Variants in ZFHX3 observed in about 807,000 individuals in gnomAD.
ZFHX3 encodes zinc finger homeobox protein 3.
Under a neutral mutation model 279.1 loss-of-function variants are expected in ZFHX3, and 42 were observed. The ratio of observed to expected loss-of-function variants is 0.15; its 90% CI spans 0.12 to 0.19. The LOEUF is 0.19. ZFHX3 is among the 10% of genes least tolerant of loss of function. ZFHX3 has a pLI of 1.00. For synonymous variants in ZFHX3, 2,293 were observed against 1,957.8 expected, an observed-to-expected ratio of 1.17 and a Z score of -4.52; for missense variants, 4,981 against 4,754.0, an observed-to-expected ratio of 1.05 and a Z score of -1.40.
chr16:73,038,082 C>T (rs1484290043), intron 1 of ZFHX3, among the ~76,000 whole-genome samples: 4 of 152,150 alleles, frequency 2.6e-5, no homozygotes, highest in Non-Finnish European at 1.5e-5. Context: ...CAAGGTCATC[C>T]CAGAGGGTCC....
chr16:72,799,921 A>G, intron 8 of ZFHX3, 106 bp downstream of exon 8: 2 of 1,010,306 alleles, frequency 2.0e-6, no homozygotes, highest in South Asian at 1.4e-5. Flanking sequence ...GATCAGTTAC[A>G]TTCACCTTAA....
intron 3 of ZFHX3, among the ~76,000 whole-genome samples, chr16:73,340,421 C>T (rs750587484): frequency 1.3e-4 from 20 of 152,328 alleles, no homozygotes; most frequent in Non-Finnish European, 2.4e-4. Context: ...TGCAGTGGCA[C>T]GATGATCATG....
intron 4 of ZFHX3, among the ~76,000 whole-genome samples, chr16:73,262,909 A>G (rs1423519734): frequency 1.3e-5 from 2 of 152,100 alleles, no homozygotes; most frequent in Admixed American, 1.3e-4. Flanking sequence ...TCCCATGCCA[A>G]TCAGCTGGCC....
At chr16:73,497,557 C>A (rs904413025) in intron 2 of ZFHX3, among the ~76,000 whole-genome samples, 6 of 152,134 alleles carry the variant, frequency 3.9e-5, no homozygotes. Context: ...GTAGTCCCAG[C>A]CACTCAGGAG....
At chr16:73,209,789 G>A (rs1199709466) in intron 5 of ZFHX3, among the ~76,000 whole-genome samples, 1 of 152,120 alleles carries the variant, frequency 6.6e-6, no homozygotes, top group East Asian at 1.9e-4. Context: ...TTGTACACTT[G>A]TGAGAGAATG....
chr16:73,431,552 G>A (rs1473149254), intron 3 of ZFHX3, among the ~76,000 whole-genome samples: 1 of 151,912 alleles, frequency 6.6e-6, no homozygotes, highest in Non-Finnish European at 1.5e-5. Flanking sequence ...AGAAAAAACA[G>A]TCTTCTGATT....
chr16:73,560,854 C>T (rs1013371943), intron 2 of ZFHX3, among the ~76,000 whole-genome samples: 1 of 152,180 alleles, frequency 6.6e-6, no homozygotes, highest in African/African-American at 2.4e-5. Context: ...AGTTAAAACA[C>T]TCTGTGAGAC....
intron 2 of ZFHX3, among the ~76,000 whole-genome samples, chr16:73,626,016 C>T (rs1204006634): frequency 6.6e-6 from 1 of 152,104 alleles, no homozygotes. Context: ...CACCACCACG[C>T]CTGGCTAATT....
At position 72,857,710 on chromosome 16, in the gene ZFHX3, C is replaced by G. The variant is rs1362237802; in HGVS notation, c.3449-27851G>C. Among the ~76,000 whole-genome samples the G allele has an allele frequency of 2.0e-5, 3 of 152,096 alleles. No homozygotes were observed. The East Asian group carries it at 5.8e-4, about 29-fold the overall frequency. On this transcript the variant is annotated intron_variant, in intron 4 of 9. Transcript: ENST00000268489. ...TGTAATTGACAAAAACAAAACAAAA[C>G]AAAACACTAACAAAACAAACTTAAT...
intron 1 of ZFHX3, among the ~76,000 whole-genome samples, chr16:73,024,374 G>T (rs1324340760): frequency 1.3e-5 from 2 of 152,044 alleles, no homozygotes; most frequent in African/African-American, 4.8e-5. Flanking sequence ...ATCATGCCCC[G>T]CAGGCAAAGT....
At chr16:73,092,867 A>G (rs1358970269) in intron 8 of ZFHX3, 2 of 515,080 alleles carry the variant, frequency 3.9e-6, no homozygotes, top group South Asian at 1.4e-5. Flanking sequence ...TAGGGACAAC[A>G]GTAAATCTGA....
At chr16:72,830,482 G>A (rs2037036350) in intron 4 of ZFHX3, among the ~76,000 whole-genome samples, 1 of 152,268 alleles carries the variant, frequency 6.6e-6, no homozygotes, top group African/African-American at 2.4e-5. Context: ...GCAGTGGTGG[G>A]AAGTGAGATT....
In ZFHX3 at chr16:73,286,869, G is replaced by A. The variant is rs372950457; in HGVS notation, c.-1193-29733C>T. 1.8e-4 allele frequency among the ~76,000 whole-genome samples: 26 copies of A among 147,844 alleles called. No individual in the cohort carries two copies. In the East Asian group the frequency reaches 5.3e-3, roughly 30 times the overall value. ...CGGTGTGTGGGTGTGTGGTTGTGTGGGTGTGTGGGTTGGTGTGTGGCTGTG... is the reference window on the plus strand; with the variant it reads ...CGGTGTGTGGGTGTGTGGTTGTGTGAGTGTGTGGGTTGGTGTGTGGCTGTG... On this transcript the variant is annotated intron_variant, in intron 4 of 17. Coordinates refer to the ZFHX3 transcript ENST00000641206.
At chr16:73,079,638 C>T (rs1037054567) in intron 8 of ZFHX3, among the ~76,000 whole-genome samples, 52 of 152,068 alleles carry the variant, frequency 3.4e-4, no homozygotes, top group Non-Finnish European at 1.0e-4. Flanking sequence ...CACACCTGGC[C>T]TCCTATCTTT....
chr16:73,218,787 A>T (rs965518959), intron 5 of ZFHX3, among the ~76,000 whole-genome samples: 1 of 152,198 alleles, frequency 6.6e-6, no homozygotes, highest in African/African-American at 2.4e-5. Context: ...AATAAATAAA[A>T]AAGTAAACAC....
intron 8 of ZFHX3, among the ~76,000 whole-genome samples, chr16:73,065,566 GGTGT>G (rs10540025): frequency 0.077 from 11,124 of 144,502 alleles, 451 homozygotes; most frequent in African/African-American, 0.1. Flanking sequence ...AGCTTTTCCT[GGTGT>G]GTGTGTGTGT....
In ZFHX3 at chr16:73,545,936, A is replaced by T. The variant is rs986786137; in HGVS notation, c.-1546-89678T>A. ...AGTTCCGAGTTCCCAGAATTGGCACAGCTCAGCCTAAACAATGACGGCTTC... is the reference window on the plus strand; with the variant it reads ...AGTTCCGAGTTCCCAGAATTGGCACTGCTCAGCCTAAACAATGACGGCTTC... On this transcript the variant is annotated intron_variant, in intron 2 of 17. Coordinates refer to the ZFHX3 transcript ENST00000641206. 3.9e-5 allele frequency among the ~76,000 whole-genome samples: 6 copies of T among 152,334 alleles called. No individual in the cohort carries two copies. In the East Asian group the frequency reaches 1.2e-3, roughly 29 times the overall value.
Position 73,170,233 on chromosome 16 carries a change from T to TTTTTTTTTTTTTTTTTTTTTTTTTTTTC in ZFHX3, c.-1103-26403_-1103-26402insGAAAAAAAAAAAAAAAAAAAAAAAAAAA, listed in dbSNP as rs1967490249. The stretch of plus-strand genomic sequence containing the variant: ...ATCTTCCTTTCACTAGTTTTTTTTT[T>TTTTTTTTTTTTTTTTTTTTTTTTTTTTC]TTTTTTTTTTTTTTTGAGACATAGC... On this transcript the variant is annotated intron_variant, in intron 5 of 17. Coordinates refer to the ZFHX3 transcript ENST00000641206. Among the ~76,000 whole-genome samples, 2 of 134,812 alleles carry TTTTTTTTTTTTTTTTTTTTTTTTTTTTC rather than the reference T, an allele frequency of 1.5e-5. 1 individual carries two copies. Among genetic ancestry groups the TTTTTTTTTTTTTTTTTTTTTTTTTTTTC allele is most frequent in the Non-Finnish European group, 3.2e-5 (2 of 63,218 alleles). 88.4% of individuals were successfully genotyped at this position (134,812 alleles called of 152,430 possible).
At chr16:73,473,502 G>C (rs1022733711) in intron 2 of ZFHX3, among the ~76,000 whole-genome samples, 3 of 152,094 alleles carry the variant, frequency 2.0e-5, no homozygotes, top group African/African-American at 7.2e-5. Context: ...CAACGCTTGA[G>C]AGTCCTGGCC....
Sources: allele counts gnomAD v4.1 joint callset (sites outside exome capture counted in the v4.1 genomes callset), GRCh38; gene constraint gnomAD v4.1.1; transcripts MANE v1.5; gene names NCBI Gene and HGNC (gene_info 2026-07-23, HGNC 2026-07-21).